Variants in FOCAD observed in about 807,000 individuals in gnomAD.
FOCAD encodes KIAA1797.
A neutral mutation model predicts 225.6 loss-of-function variants in FOCAD; 198 were observed. The ratio of observed to expected loss-of-function variants is 0.88; its 90% CI spans 0.78 to 0.99. The LOEUF (loss-of-function observed/expected upper bound fraction) is 0.99. Ranked by LOEUF, FOCAD falls within the 50% of genes least tolerant of loss-of-function variation. The pLI, the probability that FOCAD is intolerant of heterozygous loss-of-function variation, is 0.00. For missense variants in FOCAD, 2,713 were observed against 2,123.6 expected (o/e 1.28, Z -5.46); for synonymous variants, 897 against 755.0 (o/e 1.19, Z -3.08).
At chr9:20,853,712 A>C (rs1827893609) in intron 15 of FOCAD, among the ~76,000 whole-genome samples, 1 of 151,734 alleles carries the variant, frequency 6.6e-6, no homozygotes, top group African/African-American at 2.4e-5. Context: ...TTAAAAAGGT[A>C]CCTCAATATC....
At chr9:20,700,004 A>AATAAT (rs1025463586) in intron 1 of FOCAD, among the ~76,000 whole-genome samples, 4 of 151,492 alleles carry the variant, frequency 2.6e-5, no homozygotes, top group Non-Finnish European at 5.9e-5. Context: ...TTTCCACGCT[A>AATAAT]ATATGAAATG....
intron 5 of FOCAD, among the ~76,000 whole-genome samples, chr9:20,743,532 C>T (rs185941018): frequency 2.0e-4 from 31 of 152,182 alleles, no homozygotes; most frequent in Non-Finnish European, 3.5e-4. Flanking sequence ...GAATGTTAGG[C>T]GGTGGTTTCC....
rs531713091 is a variant in FOCAD, at chr9:20,939,272, T to C, written c.3408-5355T>C. 7.2e-5 allele frequency among the ~76,000 whole-genome samples: 11 copies of C among 152,216 alleles called. No homozygotes were observed. In the South Asian group the frequency reaches 2.3e-3, roughly 32 times the overall value. On this transcript the variant is annotated intron_variant, in intron 28 of 43. Transcript: ENST00000338382. Reference sequence around the variant, plus strand: ...AAAAATAGGGAAATTTAGCTGTTATTTGAATCCAATGAAGAGTTGAGATTT... The same window carrying C: ...AAAAATAGGGAAATTTAGCTGTTATCTGAATCCAATGAAGAGTTGAGATTT...
chr9:20,834,408 T>C (rs1825798197), intron 15 of FOCAD, among the ~76,000 whole-genome samples: 1 of 151,972 alleles, frequency 6.6e-6, no homozygotes, highest in Non-Finnish European at 1.5e-5. Context: ...TTTACTTACG[T>C]AGCAAACCTG....
At chr9:20,902,806 A>T (rs1238577284) in intron 21 of FOCAD, among the ~76,000 whole-genome samples, 1 of 151,928 alleles carries the variant, frequency 6.6e-6, no homozygotes, top group African/African-American at 2.4e-5. Flanking sequence ...AACTTGGGTA[A>T]CTGGAACATT....
intron 28 of FOCAD, among the ~76,000 whole-genome samples, chr9:20,939,860 G>C (rs1398162351): frequency 2.7e-5 from 4 of 150,542 alleles, no homozygotes; most frequent in Non-Finnish European, 3.0e-5. Context: ...CCATTAACTC[G>C]TCATTTACAT....
chr9:20,893,340 A>C (rs932154444), intron 21 of FOCAD, among the ~76,000 whole-genome samples: 2 of 99,548 alleles, frequency 2.0e-5, no homozygotes, highest in Non-Finnish European at 4.3e-5. Flanking sequence ...TTGGATTATT[A>C]GCTTTAATGC....
chr9:20,722,888 T>C (rs560662734), intron 4 of FOCAD, among the ~76,000 whole-genome samples: 1 of 152,294 alleles, frequency 6.6e-6, no homozygotes, highest in East Asian at 1.9e-4. Flanking sequence ...AATCTGCAAA[T>C]GTAAAATGTA....
intron 11 of FOCAD, among the ~76,000 whole-genome samples, chr9:20,800,078 A>G (rs1821623603): frequency 6.6e-6 from 1 of 152,110 alleles, no homozygotes. Context: ...GCTTGTCTGT[A>G]AAGGATTTTA....
At chr9:20,846,859 A>G (rs1241421102) in intron 15 of FOCAD, among the ~76,000 whole-genome samples, 3 of 152,124 alleles carry the variant, frequency 2.0e-5, no homozygotes, top group African/African-American at 2.4e-5. Flanking sequence ...ACCCATTGCC[A>G]AATACTGTGC....
intron 33 of FOCAD, among the ~76,000 whole-genome samples, chr9:20,950,213 G>A (rs538182083): frequency 1.3e-5 from 2 of 152,034 alleles, no homozygotes; most frequent in Admixed American, 6.6e-5. Context: ...TATCACTGAT[G>A]GTCCTTCAAA....
intron 4 of FOCAD, among the ~76,000 whole-genome samples, chr9:20,731,663 G>C (rs1426204453): frequency 2.0e-5 from 3 of 152,088 alleles, no homozygotes; most frequent in Non-Finnish European, 4.4e-5. Context: ...TGTTGCCCAG[G>C]CTGGAGTGCA....
At chr9:20,884,699 T>C (rs1490179273) in intron 20 of FOCAD, among the ~76,000 whole-genome samples, 1 of 152,164 alleles carries the variant, frequency 6.6e-6, no homozygotes, top group African/African-American at 2.4e-5. Context: ...TAGCTTTTAG[T>C]TATAAATATC....
At chr9:20,796,150 T>A (rs993303532) in intron 11 of FOCAD, among the ~76,000 whole-genome samples, 1 of 152,182 alleles carries the variant, frequency 6.6e-6, no homozygotes, top group African/African-American at 2.4e-5. Flanking sequence ...GAACTCATAA[T>A]TTTTTATGGC....
chr9:20,699,749 AAAAAAAAAAAAAAAAAAAAAAAAAAT>A (rs1823694268), intron 1 of FOCAD, among the ~76,000 whole-genome samples: 3 of 47,390 alleles, frequency 6.3e-5, no homozygotes, highest in South Asian at 7.7e-4. Flanking sequence ...AAAAAAAAAA[AAAAAAAAAAAAAAAAAAAAAAAAAAT>A]ATATATATAT....
At chr9:20,734,793 T>A (rs1266962663) in intron 4 of FOCAD, among the ~76,000 whole-genome samples, 3 of 152,062 alleles carry the variant, frequency 2.0e-5, no homozygotes, top group African/African-American at 7.2e-5. Context: ...TACAGGCTCA[T>A]GCCACCACAC....
At chr9:20,674,774 C>G (rs1282294096) in intron 2 of FOCAD, among the ~76,000 whole-genome samples, 2 of 152,234 alleles carry the variant, frequency 1.3e-5, no homozygotes, top group African/African-American at 4.8e-5. Flanking sequence ...ATACTATTTA[C>G]TCAGTAATAT....
At position 20,817,463 on chromosome 9, in the gene FOCAD, T is replaced by C. The variant is rs1267872697; in HGVS notation, c.1456-2333T>C. 1.3e-5 allele frequency among the ~76,000 whole-genome samples: 2 copies of C among 152,142 alleles called. 1 individual carries two copies. The highest frequency in any genetic ancestry group is 1.3e-4 in the Admixed American group (2 of 15,256). On this transcript the variant is annotated intron_variant, in intron 11 of 43. Transcript: ENST00000338382. ...TACAGCCTTTTGTGGCTGTTTTTTT[T>C]CTCTTACCATAATGTTTTCAAGGTT...
intron 11 of FOCAD, among the ~76,000 whole-genome samples, chr9:20,812,868 G>C (rs1823236540): frequency 6.6e-6 from 1 of 152,118 alleles, no homozygotes; most frequent in Non-Finnish European, 1.5e-5. Flanking sequence ...GATTTTTTGT[G>C]TATGGTAAAC....
Sources: allele counts gnomAD v4.1 joint callset (sites outside exome capture counted in the v4.1 genomes callset), GRCh38; gene constraint gnomAD v4.1.1; transcripts MANE v1.5; gene names NCBI Gene and HGNC (gene_info 2026-07-23, HGNC 2026-07-21).